The following SPMIP10 variants were observed in gnomAD, a reference collection of about 807,000 sequenced individuals.
SPMIP10 encodes the protein sperm-associated microtubule inner protein 10.
At chr5:126,636,181 G>C in the SPMIP10 span, 6 of 1,613,986 alleles carry the variant, frequency 3.7e-6, no homozygotes, top group African/African-American at 6.7e-5. Context: ...CTTTGCATTC[G>C]CCTCTCTCCA....
chr5:126,635,810 G>A, the SPMIP10 span, among the ~76,000 whole-genome samples: 1 of 151,194 alleles, frequency 6.6e-6, no homozygotes, highest in African/African-American at 2.4e-5. Flanking sequence ...TCACAGACGC[G>A]TGCCACGACA....
the SPMIP10 span, chr5:126,631,916 A>G: frequency 2.6e-6 from 2 of 762,110 alleles, no homozygotes; most frequent in East Asian, 2.6e-5. Context: ...CCCCTTTGGC[A>G]TCTATACAGA....
chr5:126,631,976 C>A, the SPMIP10 span, among the ~76,000 whole-genome samples: 3 of 152,036 alleles, frequency 2.0e-5, no homozygotes, highest in Admixed American at 6.6e-5. Flanking sequence ...GCAAATCTGA[C>A]CTGAGTGTAG....
the SPMIP10 span, chr5:126,636,252 A>G: frequency 1.2e-5 from 19 of 1,596,246 alleles, no homozygotes; most frequent in Non-Finnish European, 1.5e-5. Context: ...TGAAAGAAGA[A>G]TAAAATAATA....
At chr5:126,631,712 T>C in the SPMIP10 span, 1 of 1,481,696 alleles carries the variant, frequency 6.7e-7, no homozygotes, top group South Asian at 1.1e-5. Flanking sequence ...TTTAGATGAG[T>C]ATTCCATCCA....
At chr5:126,636,231 G>A in the SPMIP10 span, 25 of 1,612,128 alleles carry the variant, frequency 1.6e-5, no homozygotes, top group East Asian at 4.5e-5. Context: ...TTCAGGAGGC[G>A]ACTAGTCTAA....
chr5:126,632,456 A>T, the SPMIP10 span: 110 of 749,540 alleles, frequency 1.5e-4, 1 homozygote, highest in Non-Finnish European at 2.4e-4. Flanking sequence ...GGGACCAAAC[A>T]TGAATGCACA....
chr5:126,634,829 T>C, the SPMIP10 span, among the ~76,000 whole-genome samples: 1 of 152,120 alleles, frequency 6.6e-6, no homozygotes, highest in Non-Finnish European at 1.5e-5. Flanking sequence ...TTATTTATCC[T>C]CACCATTTTT....
At chr5:126,631,710 A>C in the SPMIP10 span, 1 of 1,470,896 alleles carries the variant, frequency 6.8e-7, no homozygotes, top group Non-Finnish European at 9.5e-7. Flanking sequence ...GTTTTAGATG[A>C]GTATTCCATC....
chr5:126,632,655 G>GT, the SPMIP10 span: 1 of 1,545,482 alleles, frequency 6.5e-7, no homozygotes, highest in Admixed American at 1.7e-5. Context: ...GAATCTGAAG[G>GT]TATTTCCCCA....
At chr5:126,636,268 T>C in the SPMIP10 span, 1 of 1,553,074 alleles carries the variant, frequency 6.4e-7, no homozygotes, top group Non-Finnish European at 8.9e-7. Flanking sequence ...TAATAAAGTG[T>C]TTCAATCTCT....
the SPMIP10 span, among the ~76,000 whole-genome samples, chr5:126,633,375 T>G: frequency 6.6e-6 from 1 of 152,164 alleles, no homozygotes; most frequent in Non-Finnish European, 1.5e-5. Context: ...TTTTTTTCTT[T>G]TTGGAGACAG....
chr5:126,636,049 G>A, the SPMIP10 span: 53 of 1,613,492 alleles, frequency 3.3e-5, no homozygotes, highest in African/African-American at 6.0e-4. Flanking sequence ...AAGTGTGTGG[G>A]ATCCATACTG....
At chr5:126,634,385 C>T in the SPMIP10 span, among the ~76,000 whole-genome samples, 1 of 152,128 alleles carries the variant, frequency 6.6e-6, no homozygotes, top group East Asian at 1.9e-4. Flanking sequence ...AGCCAGATCA[C>T]GCCACTGCAC....
chr5:126,633,308 C>T, the SPMIP10 span, among the ~76,000 whole-genome samples: 1 of 152,026 alleles, frequency 6.6e-6, no homozygotes, highest in Non-Finnish European at 1.5e-5. Flanking sequence ...GGCTAGTTTA[C>T]ACATGATTTA....
the SPMIP10 span, chr5:126,632,660 T>C: frequency 6.6e-7 from 1 of 1,514,322 alleles, no homozygotes; most frequent in Non-Finnish European, 9.2e-7. Context: ...TGAAGGTATT[T>C]CCCCATAAGC....
At chr5:126,632,848 A>T in the SPMIP10 span, among the ~76,000 whole-genome samples, 1 of 151,746 alleles carries the variant, frequency 6.6e-6, no homozygotes, top group African/African-American at 2.4e-5. Flanking sequence ...TTAGCTGGGC[A>T]TGGTGGCGGG....
At chr5:126,635,323 A>C in the SPMIP10 span, among the ~76,000 whole-genome samples, 44 of 152,214 alleles carry the variant, frequency 2.9e-4, 1 homozygote, top group Middle Eastern at 3.4e-3. Context: ...TTATTTATTT[A>C]TTCAACAGTC....
chr5:126,636,265 G>A, the SPMIP10 span: 2 of 1,576,228 alleles, frequency 1.3e-6, no homozygotes, highest in South Asian at 1.1e-5. Context: ...AAATAATAAA[G>A]TGTTTCAATC....
Sources: allele counts gnomAD v4.1 joint callset (sites outside exome capture counted in the v4.1 genomes callset), GRCh38; gene constraint gnomAD v4.1.1; transcripts MANE v1.5; gene names NCBI Gene and HGNC (gene_info 2026-07-23, HGNC 2026-07-21).